CARMIL1: variants seen among roughly 807,000 people sequenced by gnomAD.
The protein encoded by CARMIL1 is capping protein regulator and myosin 1 linker 1.
A neutral mutation model predicts 177.1 loss-of-function variants in CARMIL1; 90 were observed. That is an observed-to-expected ratio of 0.51 (90% confidence interval 0.43 to 0.61). The LOEUF (loss-of-function observed/expected upper bound fraction) is 0.61. Ranked by LOEUF, CARMIL1 falls within the 20% of genes least tolerant of loss-of-function variation. CARMIL1 has a pLI of 0.00. For synonymous variants in CARMIL1, 577 were observed against 606.2 expected, an observed-to-expected ratio of 0.95 and a Z score of 0.71; for missense variants, 1,380 against 1,667.0, an observed-to-expected ratio of 0.83 and a Z score of 3.00.
intron 12 of CARMIL1, among the ~76,000 whole-genome samples, chr6:25,485,046 A>G (rs530930524): frequency 9.9e-5 from 15 of 152,272 alleles, no homozygotes; most frequent in African/African-American, 3.1e-4. Flanking sequence ...TAAAACGAAA[A>G]CAAAAACAAA....
At chr6:25,600,038 G>A (rs1016477327) in intron 32 of CARMIL1, among the ~76,000 whole-genome samples, 9 of 152,012 alleles carry the variant, frequency 5.9e-5, no homozygotes, top group African/African-American at 2.2e-4. Context: ...AAGGGAGAGG[G>A]GTTACTTTTA....
chr6:25,586,873 A>G (rs1479842463), intron 31 of CARMIL1, among the ~76,000 whole-genome samples: 2 of 151,960 alleles, frequency 1.3e-5, no homozygotes, highest in South Asian at 2.1e-4. Context: ...AGAATCAGGC[A>G]GGGAGGTTGC....
chr6:25,295,570 G>A (rs1782316141), intron 2 of CARMIL1, among the ~76,000 whole-genome samples: 1 of 151,958 alleles, frequency 6.6e-6, no homozygotes, highest in African/African-American at 2.4e-5. Context: ...CCTCCACCTT[G>A]TCAATTTCAT....
Position 25,619,560 on chromosome 6 carries a change from G to A in CARMIL1, c.4093G>A (p.Glu1365Lys), listed in dbSNP as rs1296944020. ...ATCTAATGACTCCGGGGAAGAAGCA[G>A]AAAAAGAGTTTATTTTTGTGTAAAG... Reference protein sequence around the residue: ...SKSNDSGEEAEKEFIFV With the variant: ...SKSNDSGEEAKKEFIFV The change falls in exon 37 of 37, where the codon GAA becomes AAA. Residue 1365 changes from glutamate to lysine, a missense_variant. Glu to Lys is a moderately conservative substitution (Grantham distance 56, BLOSUM62 1). Transcript: ENST00000329474. The A allele has an allele frequency of 6.2e-7, 1 of 1,613,514 alleles. No individual in the cohort carries two copies. The highest frequency in any genetic ancestry group is 8.5e-7 in the Non-Finnish European group (1 of 1,179,770).
At chr6:25,500,869 C>A (rs571678169) in intron 17 of CARMIL1, among the ~76,000 whole-genome samples, 3 of 151,906 alleles carry the variant, frequency 2.0e-5, no homozygotes, top group African/African-American at 7.2e-5. Flanking sequence ...ACGCCATTCT[C>A]CTGCCTCAGC....
At chr6:25,561,064 T>C (rs1454851328) in intron 29 of CARMIL1, among the ~76,000 whole-genome samples, 1 of 152,210 alleles carries the variant, frequency 6.6e-6, no homozygotes, top group Non-Finnish European at 1.5e-5. Context: ...ACATGCCTTA[T>C]ATGTCATGCT....
chr6:25,497,745 C>A (rs145628779), intron 16 of CARMIL1, among the ~76,000 whole-genome samples: 4 of 152,256 alleles, frequency 2.6e-5, no homozygotes, highest in African/African-American at 9.6e-5. Flanking sequence ...TGAGACAGCG[C>A]TTTAAGTTTG....
intron 2 of CARMIL1, among the ~76,000 whole-genome samples, chr6:25,299,030 G>A (rs947654778): frequency 2.0e-5 from 3 of 151,816 alleles, no homozygotes; most frequent in Non-Finnish European, 4.4e-5. Flanking sequence ...GGGATTACAG[G>A]TGTGAGCCAC....
At chr6:25,533,232 G>C (rs1170752497) in intron 24 of CARMIL1, among the ~76,000 whole-genome samples, 1 of 152,032 alleles carries the variant, frequency 6.6e-6, no homozygotes, top group Admixed American at 6.6e-5. Context: ...CTCTTTCATT[G>C]GTTTCTTTGT....
chr6:25,547,121 C>T (rs1054116571), intron 26 of CARMIL1, among the ~76,000 whole-genome samples: 2 of 151,966 alleles, frequency 1.3e-5, no homozygotes, highest in Non-Finnish European at 2.9e-5. Flanking sequence ...AAATAAATCA[C>T]ACAAAAATCT....
intron 24 of CARMIL1, among the ~76,000 whole-genome samples, chr6:25,537,443 T>A (rs1808412183): frequency 6.6e-6 from 1 of 152,174 alleles, no homozygotes; most frequent in South Asian, 2.1e-4. Context: ...ACATTTTATT[T>A]CTCTGTTTCC....
intron 13 of CARMIL1, among the ~76,000 whole-genome samples, chr6:25,491,447 T>G (rs1417233577): frequency 6.6e-6 from 1 of 152,192 alleles, no homozygotes; most frequent in Non-Finnish European, 1.5e-5. Context: ...AATTGTATAA[T>G]AAAAATTAAG....
chr6:25,552,608 T>G (rs1479814679), intron 27 of CARMIL1, among the ~76,000 whole-genome samples: 1 of 152,120 alleles, frequency 6.6e-6, no homozygotes, highest in Non-Finnish European at 1.5e-5. Flanking sequence ...CTTTGCAAAC[T>G]GGAAGCTTAA....
At chr6:25,284,947 A>G (rs1303107887) in intron 2 of CARMIL1, 38 bp downstream of exon 2, 8 of 1,250,076 alleles carry the variant, frequency 6.4e-6, no homozygotes, top group Non-Finnish European at 9.1e-6. Context: ...ATGTTTGGAA[A>G]TGAAAGTGTG....
At chr6:25,488,891 GC>G (rs1336421576) in intron 13 of CARMIL1, among the ~76,000 whole-genome samples, 1 of 152,072 alleles carries the variant, frequency 6.6e-6, no homozygotes, top group Non-Finnish European at 1.5e-5. Flanking sequence ...CAGGGACCAG[GC>G]ATGGTGGCTC....
chr6:25,495,789 G>A (rs1803646178), intron 16 of CARMIL1, among the ~76,000 whole-genome samples: 1 of 152,080 alleles, frequency 6.6e-6, no homozygotes, highest in African/African-American at 2.4e-5. Context: ...CTAAATTGAG[G>A]TTTGAGAATA....
chr6:25,455,764 C>T (rs953383526), intron 8 of CARMIL1, among the ~76,000 whole-genome samples: 1 of 152,136 alleles, frequency 6.6e-6, no homozygotes, highest in Non-Finnish European at 1.5e-5. Context: ...TTCCCAGGAC[C>T]ATTTCAGATT....
chr6:25,312,411 AT>A (rs200817704), intron 2 of CARMIL1, among the ~76,000 whole-genome samples: 12 of 150,582 alleles, frequency 8.0e-5, no homozygotes, highest in South Asian at 4.2e-4. Flanking sequence ...TGTTCCACCA[AT>A]TTTTTTTTTC....
chr6:25,311,541 G>A (rs1333811167), intron 2 of CARMIL1, among the ~76,000 whole-genome samples: 1 of 97,678 alleles, frequency 1.0e-5, no homozygotes, highest in Non-Finnish European at 1.9e-5. Context: ...TATATAGAGC[G>A]GGGGAAAAAA....
Sources: gnomAD v4.1 joint callset for allele counts (sites outside exome capture counted in the v4.1 genomes callset) on GRCh38, gnomAD v4.1.1 for gene constraint, MANE v1.5 for transcripts, NCBI Gene and HGNC (gene_info 2026-07-23, HGNC 2026-07-21) for gene names.